GRIK4: variants seen among roughly 807,000 people sequenced by gnomAD.
GRIK4 encodes glutamate receptor ionotropic, kainate 4.
In GRIK4, 40 loss-of-function variants were observed where a neutral mutation model predicts 104.9. The observed-to-expected ratio is 0.38, with a 90% confidence interval of 0.30 to 0.50. GRIK4 has a LOEUF of 0.50. Ranked by LOEUF, GRIK4 falls within the 20% of genes least tolerant of loss-of-function variation. The probability of loss-of-function intolerance (pLI) is 0.93; values close to 1 mark genes in which losing one functional copy is unlikely to be tolerated. For synonymous variants in GRIK4, 485 were observed against 524.9 expected, an observed-to-expected ratio of 0.92 and a Z score of 1.04; for missense variants, 1,047 against 1,308.1, an observed-to-expected ratio of 0.80 and a Z score of 3.08.
At chr11:120,885,801 G>T (rs1037812541) in intron 11 of GRIK4, among the ~76,000 whole-genome samples, 5 of 152,218 alleles carry the variant, frequency 3.3e-5, no homozygotes, top group Admixed American at 2.0e-4. Flanking sequence ...TAGGTGGGAA[G>T]TCTATTAAGT....
At chr11:120,807,040 A>G (rs1591937875) in intron 4 of GRIK4, among the ~76,000 whole-genome samples, 1 of 152,050 alleles carries the variant, frequency 6.6e-6, no homozygotes, top group Non-Finnish European at 1.5e-5. Context: ...CCCTTCCACC[A>G]TTATCGCCCC....
At chr11:120,738,991 CA>C (rs1379949227) in intron 3 of GRIK4, among the ~76,000 whole-genome samples, 5 of 152,114 alleles carry the variant, frequency 3.3e-5, no homozygotes, top group African/African-American at 1.2e-4. Context: ...AGATCAGAGC[CA>C]AAAAGTTGAA....
chr11:120,960,077 T>C (rs1018108109), intron 16 of GRIK4, among the ~76,000 whole-genome samples: 81 of 151,888 alleles, frequency 5.3e-4, no homozygotes, highest in Admixed American at 5.2e-3. Flanking sequence ...ACGCCTGTAA[T>C]CCCAGCACTT....
chr11:120,775,891 TTTA>T (rs1952032756), intron 3 of GRIK4, among the ~76,000 whole-genome samples: 2 of 152,214 alleles, frequency 1.3e-5, no homozygotes, highest in African/African-American at 4.8e-5. Context: ...GTGAGATACT[TTTA>T]TTATTACCAC....
At position 120,900,388 on chromosome 11, in the gene GRIK4, C is replaced by A. The variant is rs1324900531; in HGVS notation, c.1272+1749C>A. Among the ~76,000 whole-genome samples the A allele has an allele frequency of 2.6e-5, 4 of 152,256 alleles. No individual in the cohort carries two copies. The East Asian group carries it at 7.7e-4, about 29-fold the overall frequency. On this transcript the variant is annotated intron_variant, in intron 12 of 20. Coordinates refer to ENST00000527524, the MANE Select transcript of GRIK4 (RefSeq NM_014619.5). ...GGGTCACTGAACATTTTCATTCATT[C>A]ATTTATTTATGTGATGACTGTTTAT...
chr11:120,918,422 A>C (rs567464429), intron 13 of GRIK4, among the ~76,000 whole-genome samples: 2 of 152,316 alleles, frequency 1.3e-5, no homozygotes, highest in African/African-American at 4.8e-5. Context: ...TTACTTTCAT[A>C]GAGTTCACAC....
intron 15 of GRIK4, among the ~76,000 whole-genome samples, chr11:120,954,906 C>T (rs1944105929): frequency 6.6e-6 from 1 of 151,946 alleles, no homozygotes; most frequent in African/African-American, 2.4e-5. Context: ...TGCAAAGGCT[C>T]CTGGGAGCAA....
At chr11:120,745,251 G>T (rs1490403137) in intron 3 of GRIK4, among the ~76,000 whole-genome samples, 1 of 152,170 alleles carries the variant, frequency 6.6e-6, no homozygotes, top group Non-Finnish European at 1.5e-5. Context: ...CTGTGATTCT[G>T]CCTCTCTCTC....
chr11:120,619,066 C>G (rs1014813274), intron 1 of GRIK4, among the ~76,000 whole-genome samples: 3 of 152,162 alleles, frequency 2.0e-5, no homozygotes, highest in African/African-American at 7.2e-5. Context: ...TCAACGCCAG[C>G]CCTTGAAATC....
intron 11 of GRIK4, among the ~76,000 whole-genome samples, chr11:120,883,981 G>C (rs968134945): frequency 2.0e-5 from 3 of 152,238 alleles, no homozygotes; most frequent in African/African-American, 7.2e-5. Context: ...CCACCGGCCA[G>C]AGGTGTGGGG....
intron 1 of GRIK4, among the ~76,000 whole-genome samples, chr11:120,526,545 T>G (rs1947859356): frequency 6.6e-6 from 1 of 152,164 alleles, no homozygotes; most frequent in Admixed American, 6.5e-5. Flanking sequence ...AAAAAGTTTG[T>G]TTTTAGGCCG....
At chr11:120,614,024 G>GCCCTCTGTTCCCTC (rs961895775) in intron 1 of GRIK4, among the ~76,000 whole-genome samples, 8 of 152,176 alleles carry the variant, frequency 5.3e-5, no homozygotes, top group Non-Finnish European at 1.0e-4. Flanking sequence ...GGTTCACCCT[G>GCCCTCTGTTCCCTC]CCCTCTGTTC....
chr11:120,677,111 A>G (rs1950110006), intron 3 of GRIK4, among the ~76,000 whole-genome samples: 2 of 152,180 alleles, frequency 1.3e-5, no homozygotes, highest in East Asian at 1.9e-4. Flanking sequence ...TGGCTCTTCC[A>G]TTACTGCAAC....
intron 1 of GRIK4, among the ~76,000 whole-genome samples, chr11:120,551,858 G>C (rs1230549590): frequency 6.6e-6 from 1 of 152,024 alleles, no homozygotes; most frequent in Non-Finnish European, 1.5e-5. Context: ...CTCCATAAAA[G>C]GCCCAGGAGG....
intron 3 of GRIK4, among the ~76,000 whole-genome samples, chr11:120,695,633 G>T (rs946183112): frequency 6.7e-6 from 1 of 148,400 alleles, no homozygotes; most frequent in Non-Finnish European, 1.5e-5. Flanking sequence ...CGGCCGCCAC[G>T]GGTGGGAGGC....
At chr11:120,516,514 T>C (rs1379225415) in intron 1 of GRIK4, among the ~76,000 whole-genome samples, 1 of 151,684 alleles carries the variant, frequency 6.6e-6, no homozygotes, top group Non-Finnish European at 1.5e-5. Flanking sequence ...GTAGAACTGC[T>C]GGAATCCAAG....
At chr11:120,516,271 C>T (rs1947723004) in intron 1 of GRIK4, among the ~76,000 whole-genome samples, 1 of 152,100 alleles carries the variant, frequency 6.6e-6, no homozygotes, top group South Asian at 2.1e-4. Flanking sequence ...GTGTTGATTG[C>T]ACCTGCCACC....
rs570864349 is a variant in GRIK4, at chr11:120,668,467, C to T, written c.82+8067C>T. 4.6e-5 allele frequency among the ~76,000 whole-genome samples: 7 copies of T among 152,216 alleles called. No individual in the cohort carries two copies. In the South Asian group the frequency reaches 1.0e-3, roughly 23 times the overall value. ...GGCTTACCTCTCTGAAACCCTACCC[C>T]GGGGAAGACGTCAGCCCCAGCCCTT... On this transcript the variant is annotated intron_variant, in intron 3 of 20. Coordinates refer to ENST00000527524, the MANE Select transcript of GRIK4 (RefSeq NM_014619.5).
At chr11:120,824,241 A>G (rs2135550653) in intron 6 of GRIK4, among the ~76,000 whole-genome samples, 1 of 152,308 alleles carries the variant, frequency 6.6e-6, no homozygotes, top group East Asian at 1.9e-4. Flanking sequence ...TAATGGGAAA[A>G]AAAGAACATT....
Sources: allele counts gnomAD v4.1 joint callset (sites outside exome capture counted in the v4.1 genomes callset), GRCh38; gene constraint gnomAD v4.1.1; transcripts MANE v1.5; gene names NCBI Gene and HGNC (gene_info 2026-07-23, HGNC 2026-07-21).